PDE11A: variants seen among roughly 807,000 people sequenced by gnomAD.
PDE11A encodes phosphodiesterase 11A, also known as dual 3',5'-cyclic-AMP and -GMP phosphodiesterase 11A.
A neutral mutation model predicts 100.5 loss-of-function variants in PDE11A; 100 were observed. The ratio of observed to expected loss-of-function variants is 1.00; its 90% confidence interval spans 0.85 to 1.18. The LOEUF is 1.18. Among genes scored for constraint, PDE11A ranks in the 50% most tolerant of loss-of-function variants. The pLI is 0.00. For synonymous variants in PDE11A, 381 were observed against 420.8 expected (o/e 0.91, Z 1.16); for missense variants, 1,141 against 1,152.6 (o/e 0.99, Z 0.15).
chr2:178,085,120 T>C (rs1269089029), intron 2 of PDE11A, among the ~76,000 whole-genome samples: 1 of 152,172 alleles, frequency 6.6e-6, no homozygotes, highest in Non-Finnish European at 1.5e-5. Context: ...TTAATAAATG[T>C]TTTGTTGTTG....
chr2:177,829,965 G>A (rs1242395324), intron 6 of PDE11A, among the ~76,000 whole-genome samples: 1 of 152,124 alleles, frequency 6.6e-6, no homozygotes, highest in South Asian at 2.1e-4. Context: ...CCGGACATGA[G>A]GTAAGCTTCT....
At chr2:177,702,765 T>C (rs919251068) in intron 13 of PDE11A, 1 of 152,204 alleles carries the variant, frequency 6.6e-6, no homozygotes, top group Non-Finnish European at 1.5e-5. Flanking sequence ...GTAGGAATTA[T>C]TGAATATAAT....
At chr2:177,832,329 T>A (rs1037221888) in intron 6 of PDE11A, among the ~76,000 whole-genome samples, 6 of 152,146 alleles carry the variant, frequency 3.9e-5, no homozygotes, top group Admixed American at 3.9e-4. Context: ...TCAAATCAGC[T>A]GCCAGCACAG....
In PDE11A at chr2:178,018,736, C is replaced by G. The variant is rs182725521; in HGVS notation, c.913-4276G>C. Among the ~76,000 whole-genome samples the G allele has an allele frequency of 3.4e-4, 51 of 152,214 alleles. 1 individual carries two copies. The highest frequency in any genetic ancestry group is 2.9e-3 in the Admixed American group (45 of 15,278). ...TATTCTTTTTTATTTTTTGTAGACA[C>G]AGGGTCTCACTACATTGCCCAGTCT... On this transcript the variant is annotated intron_variant, in intron 1 of 19. Coordinates refer to ENST00000286063, the MANE Select transcript of PDE11A (RefSeq NM_016953.4).
At chr2:178,094,768 G>T (rs563845159) in intron 2 of PDE11A, among the ~76,000 whole-genome samples, 1 of 152,246 alleles carries the variant, frequency 6.6e-6, no homozygotes, top group African/African-American at 2.4e-5. Flanking sequence ...AGCTGAGACG[G>T]CCTCAAGAAA....
intron 12 of PDE11A, among the ~76,000 whole-genome samples, chr2:177,714,011 T>TTTTTTTTTTTTTTTTTTTTTTC: frequency 7.5e-6 from 1 of 133,992 alleles, no homozygotes; most frequent in Non-Finnish European, 1.5e-5. Flanking sequence ...TTTTTTTTTT[T>TTTTTTTTTTTTTTTTTTTTTTC]GAGACGGAGT....
intron 1 of PDE11A, among the ~76,000 whole-genome samples, chr2:178,029,712 T>C (rs1245709574): frequency 3.3e-5 from 5 of 152,170 alleles, no homozygotes. Flanking sequence ...GACAATTCAA[T>C]ATATATTGAA....
chr2:177,846,468 C>T (rs998332229), intron 5 of PDE11A, among the ~76,000 whole-genome samples: 2 of 152,132 alleles, frequency 1.3e-5, no homozygotes, highest in South Asian at 4.1e-4. Flanking sequence ...ATTATTTCTG[C>T]TTTTGGAAGG....
intron 12 of PDE11A, among the ~76,000 whole-genome samples, chr2:177,714,969 T>G (rs1371633549): frequency 6.6e-6 from 1 of 152,138 alleles, no homozygotes; most frequent in African/African-American, 2.4e-5. Flanking sequence ...ATTCAGGGGG[T>G]TCCTCCTTCC....
chr2:178,011,103 T>C (rs1288113871), intron 2 of PDE11A, among the ~76,000 whole-genome samples: 2 of 152,108 alleles, frequency 1.3e-5, no homozygotes, highest in Non-Finnish European at 2.9e-5. Flanking sequence ...AATAGAAGAC[T>C]TTAGGTATGT....
intron 13 of PDE11A, among the ~76,000 whole-genome samples, chr2:177,708,127 A>G (rs998719052): frequency 1.3e-5 from 2 of 152,212 alleles, no homozygotes; most frequent in African/African-American, 4.8e-5. Flanking sequence ...AACGTACACA[A>G]TGGGCTCCAG....
intron 1 of PDE11A, among the ~76,000 whole-genome samples, chr2:178,046,600 T>C (rs1443096346): frequency 3.3e-5 from 5 of 152,162 alleles, no homozygotes; most frequent in Admixed American, 6.5e-5. Context: ...GGTGAGATGA[T>C]AGATAGAAGG....
intron 1 of PDE11A, among the ~76,000 whole-genome samples, chr2:178,066,434 G>A (rs2087045031): frequency 6.6e-6 from 1 of 152,136 alleles, no homozygotes; most frequent in Non-Finnish European, 1.5e-5. Flanking sequence ...TAGTCCAATG[G>A]AACAATGGAG....
At chr2:177,735,985 T>A (rs574201396) in intron 10 of PDE11A, among the ~76,000 whole-genome samples, 6 of 152,324 alleles carry the variant, frequency 3.9e-5, no homozygotes, top group African/African-American at 1.4e-4. Flanking sequence ...AAAGCAATTG[T>A]CAGTGTTTCC....
In PDE11A at chr2:177,659,806, G is replaced by T. The variant is rs545185663; in HGVS notation, c.2646+4060C>A. On this transcript the variant is annotated intron_variant, in intron 19 of 19. Coordinates refer to ENST00000286063, the MANE Select transcript of PDE11A (RefSeq NM_016953.4). ...TTTTTTTTTTTCCCCCTCCAAAGAC[G>T]TTGAGCAGCAGGGCTAATGGATCCC... 1.3e-5 allele frequency among the ~76,000 whole-genome samples: 2 copies of T among 151,702 alleles called. 1 individual carries two copies. Among genetic ancestry groups the T allele is most frequent in the South Asian group, 4.2e-4 (2 of 4,778 alleles).
Position 177,822,901 on chromosome 2 carries a change from A to G in PDE11A, c.1501-2606T>C, listed in dbSNP as rs1265370824. Among the ~76,000 whole-genome samples, 8 of 152,132 alleles carry G rather than the reference A, an allele frequency of 5.3e-5. No individual in the cohort carries two copies. In the East Asian group the frequency reaches 1.5e-3, roughly 29 times the overall value. ...CTTGTAATTGGTACATAAAAATACA[A>G]TCGACTTTTTAATATTAAATTTGTT... is the stretch of plus-strand genomic sequence containing the variant. On this transcript the variant is annotated intron_variant, in intron 6 of 19. Coordinates refer to ENST00000286063, the MANE Select transcript of PDE11A (RefSeq NM_016953.4).
At chr2:178,021,968 G>A (rs558013801) in intron 1 of PDE11A, among the ~76,000 whole-genome samples, 62 of 152,286 alleles carry the variant, frequency 4.1e-4, no homozygotes, top group Admixed American at 1.1e-3. Flanking sequence ...ATGAGAGGGT[G>A]TCTAGTAACT....
At chr2:177,949,333 C>A (rs577175858) in intron 2 of PDE11A, among the ~76,000 whole-genome samples, 2 of 152,220 alleles carry the variant, frequency 1.3e-5, no homozygotes, top group African/African-American at 4.8e-5. Context: ...ATTTGAGAAA[C>A]ACAGAAAAGC....
intron 10 of PDE11A, among the ~76,000 whole-genome samples, chr2:177,735,450 C>A (rs2081765318): frequency 6.6e-6 from 1 of 150,828 alleles, no homozygotes; most frequent in African/African-American, 2.4e-5. Flanking sequence ...GAGGCAACAA[C>A]AGGAATGAGC....
Sources: gnomAD v4.1 joint callset for allele counts (sites outside exome capture counted in the v4.1 genomes callset) on GRCh38, gnomAD v4.1.1 for gene constraint, MANE v1.5 for transcripts, NCBI Gene and HGNC (gene_info 2026-07-23, HGNC 2026-07-21) for gene names.